ARHGEF7: variants seen among roughly 807,000 people sequenced by gnomAD.
ARHGEF7 encodes the protein PAK-interacting exchange factor beta.
In ARHGEF7, 33 loss-of-function variants were observed where a neutral mutation model predicts 109.8. The ratio of observed to expected loss-of-function variants is 0.30; its 90% CI spans 0.23 to 0.40. The LOEUF (loss-of-function observed/expected upper bound fraction) is 0.40. Among genes scored for constraint, ARHGEF7 ranks in the 10% least tolerant of loss-of-function variants. The probability of loss-of-function intolerance (pLI) is 1.00; values close to 1 mark genes in which losing one functional copy is unlikely to be tolerated. For missense variants in ARHGEF7, 938 were observed against 1,098.5 expected, an observed-to-expected ratio of 0.85 and a Z score of 2.07; for synonymous variants, 458 against 424.6, an observed-to-expected ratio of 1.08 and a Z score of -0.97.
intron 2 of ARHGEF7, among the ~76,000 whole-genome samples, chr13:111,157,018 AT>A (rs2076390690): frequency 6.6e-6 from 1 of 152,214 alleles, no homozygotes; most frequent in South Asian, 2.1e-4. Context: ...AACTTGGTTA[AT>A]ATGTCAGCTG....
chr13:111,241,246 G>C (rs900150912), intron 6 of ARHGEF7: 1 of 1,536,220 alleles, frequency 6.5e-7, no homozygotes, highest in Admixed American at 2.0e-5. Context: ...CCCAGCGTTG[G>C]TGGGATGGAG....
At chr13:111,275,025 T>C (rs967291315) in intron 11 of ARHGEF7, among the ~76,000 whole-genome samples, 3 of 152,262 alleles carry the variant, frequency 2.0e-5, no homozygotes, top group Non-Finnish European at 2.9e-5. Context: ...TAAAATTGTT[T>C]AAAACATTTT....
At chr13:111,189,708 A>G (rs535321578) in intron 2 of ARHGEF7, among the ~76,000 whole-genome samples, 4 of 152,214 alleles carry the variant, frequency 2.6e-5, no homozygotes, top group East Asian at 1.9e-4. Flanking sequence ...TGATTGGTCC[A>G]TTTTACAGAG....
chr13:111,219,481 C>T (rs1328587396), intron 5 of ARHGEF7, among the ~76,000 whole-genome samples: 2 of 152,114 alleles, frequency 1.3e-5, no homozygotes, highest in African/African-American at 4.8e-5. Context: ...CCTTGCTTTT[C>T]AGTTCTTTTC....
At chr13:111,169,513 C>T (rs556095459) in intron 2 of ARHGEF7, among the ~76,000 whole-genome samples, 1 of 152,228 alleles carries the variant, frequency 6.6e-6, no homozygotes, top group Non-Finnish European at 1.5e-5. Context: ...ATCACGAGAA[C>T]AGCACCAAGG....
intron 9 of ARHGEF7, among the ~76,000 whole-genome samples, chr13:111,270,091 T>C (rs2092016070): frequency 6.6e-6 from 1 of 152,266 alleles, no homozygotes; most frequent in Admixed American, 6.5e-5. Context: ...GAGCGCAGAA[T>C]GCCAACTCTG....
chr13:111,281,556 A>AACTACTCATTGGCTTTTAGCTAGCG (rs2092781315), intron 15 of ARHGEF7, among the ~76,000 whole-genome samples: 1 of 152,190 alleles, frequency 6.6e-6, no homozygotes, highest in African/African-American at 2.4e-5. Context: ...TAAAGATTGT[A>AACTACTCATTGGCTTTTAGCTAGCG]ACTACTCATT....
At chr13:111,278,481 G>C (rs1181139152) in intron 13 of ARHGEF7, among the ~76,000 whole-genome samples, 1 of 152,180 alleles carries the variant, frequency 6.6e-6, no homozygotes, top group African/African-American at 2.4e-5. Flanking sequence ...GGACGTTCAA[G>C]ATCCCTAAGC....
At chr13:111,278,137 G>C (rs1384008050) in intron 13 of ARHGEF7, among the ~76,000 whole-genome samples, 1 of 152,180 alleles carries the variant, frequency 6.6e-6, no homozygotes, top group East Asian at 1.9e-4. Context: ...TGTGATCGTT[G>C]AACCTTTTTA....
intron 8 of ARHGEF7, among the ~76,000 whole-genome samples, chr13:111,251,260 T>G (rs2089724503): frequency 1.3e-5 from 2 of 152,174 alleles, no homozygotes; most frequent in Non-Finnish European, 2.9e-5. Context: ...AGGGACAGTT[T>G]ATCTGATATC....
chr13:111,180,474 G>T (rs1368191056), intron 2 of ARHGEF7, among the ~76,000 whole-genome samples: 2 of 152,218 alleles, frequency 1.3e-5, no homozygotes, highest in African/African-American at 2.4e-5. Flanking sequence ...AGAAATGTAA[G>T]ATTCTTTAAA....
At chr13:111,271,273 G>T (rs748464151) in intron 9 of ARHGEF7, among the ~76,000 whole-genome samples, 4 of 152,194 alleles carry the variant, frequency 2.6e-5, no homozygotes, top group Non-Finnish European at 5.9e-5. Context: ...GAAGGGGCGG[G>T]GGACAGTGGC....
intron 2 of ARHGEF7, among the ~76,000 whole-genome samples, chr13:111,186,158 T>A (rs1412953051): frequency 6.6e-6 from 1 of 152,122 alleles, no homozygotes; most frequent in Non-Finnish European, 1.5e-5. Context: ...GTGTGGAGGT[T>A]GCGCCCGGTC....
chr13:111,205,811 G>C (rs928353821), intron 3 of ARHGEF7, among the ~76,000 whole-genome samples: 7 of 152,124 alleles, frequency 4.6e-5, no homozygotes, highest in Non-Finnish European at 8.8e-5. Flanking sequence ...CACACTACCT[G>C]TCCAGGGCTC....
At chr13:111,289,457 C>T (rs1057047055) in intron 18 of ARHGEF7, among the ~76,000 whole-genome samples, 1 of 152,226 alleles carries the variant, frequency 6.6e-6, no homozygotes, top group South Asian at 2.1e-4. Context: ...CAACAGCTGA[C>T]ATGTGGGCAC....
intron 5 of ARHGEF7, among the ~76,000 whole-genome samples, chr13:111,224,159 C>T (rs540184998): frequency 1.4e-3 from 210 of 152,370 alleles, no homozygotes; most frequent in Admixed American, 2.2e-3. Context: ...CCAGCGTCTA[C>T]AGCATTTTTT....
intron 17 of ARHGEF7, 67 bp from the exon 18 acceptor site, chr13:111,288,287 A>G: frequency 9.8e-7 from 1 of 1,016,294 alleles, no homozygotes; most frequent in East Asian, 2.5e-5. Context: ...TCTGCATTGC[A>G]TTCGTCTCGC....
At chr13:111,175,340 G>A (rs906882521) in intron 2 of ARHGEF7, among the ~76,000 whole-genome samples, 3 of 152,232 alleles carry the variant, frequency 2.0e-5, no homozygotes, top group Non-Finnish European at 4.4e-5. Context: ...CCATGAAGAA[G>A]ACAGAGTGAG....
chr13:111,218,015 G>A, intron 5 of ARHGEF7, 135 bp downstream of exon 5: 2 of 905,580 alleles, frequency 2.2e-6, no homozygotes, highest in East Asian at 5.4e-5. Flanking sequence ...TTTGTTAGAT[G>A]TAATGGATTT....
Sources: allele counts gnomAD v4.1 joint callset (sites outside exome capture counted in the v4.1 genomes callset), GRCh38; gene constraint gnomAD v4.1.1; transcripts MANE v1.5; gene names NCBI Gene and HGNC (gene_info 2026-07-23, HGNC 2026-07-21).